The following MTUS2 variants were observed in gnomAD, a reference collection of about 807,000 sequenced individuals.
MTUS2 encodes the protein microtubule associated scaffold protein 2.
In MTUS2, 40 loss-of-function variants were observed where a neutral mutation model predicts 114.1. That is an observed-to-expected ratio of 0.35 (90% confidence interval 0.27 to 0.46). The LOEUF (loss-of-function observed/expected upper bound fraction) is 0.46, where lower values mean the gene tolerates loss of function less well. Among genes scored for constraint, MTUS2 ranks in the 20% least tolerant of loss-of-function variants. MTUS2 has a pLI of 1.00. For missense variants in MTUS2, 1,679 were observed against 1,705.4 expected, an observed-to-expected ratio of 0.98 and a Z score of 0.27; for synonymous variants, 688 against 672.0, an observed-to-expected ratio of 1.02 and a Z score of -0.37.
At chr13:29,180,059 G>A (rs1242162633) in intron 5 of MTUS2, among the ~76,000 whole-genome samples, 1 of 152,188 alleles carries the variant, frequency 6.6e-6, no homozygotes, top group Non-Finnish European at 1.5e-5. Flanking sequence ...TCTTTGGCTG[G>A]TTTTCAAATA....
intron 2 of MTUS2, among the ~76,000 whole-genome samples, chr13:28,963,770 T>A (rs1883447309): frequency 1.3e-5 from 2 of 152,186 alleles, no homozygotes; most frequent in Admixed American, 1.3e-4. Flanking sequence ...ACTGCTCTTG[T>A]CAACTTTACC....
intron 2 of MTUS2, among the ~76,000 whole-genome samples, chr13:28,880,901 G>A (rs1053469816): frequency 1.3e-5 from 2 of 152,186 alleles, no homozygotes; most frequent in African/African-American, 2.4e-5. Flanking sequence ...GTTTTTATGA[G>A]TATTTTTGAT....
rs9805210 is a variant in MTUS2 at position 29,505,689 on chromosome 13, G to A, written c.*2483G>A. On this transcript the variant is annotated 3_prime_UTR_variant, in exon 16 of 16. Transcript: ENST00000612955. ...TGCTGCAGCCTCTGCACCTGCCTCA[G>A]ACAGACCCACCAGATACCACCTGTC... 27,171 of 230,082 alleles carry A rather than the reference G, an allele frequency of 0.12. 2,371 individuals are homozygous for A. The highest frequency in any genetic ancestry group is 0.27 in the African/African-American group (12,189 of 45,136). The allele number at this position is 230,082 out of a possible 1,614,324, so 14.3% of individuals were successfully genotyped here. A position where few individuals can be genotyped will look rare whatever the true frequency, so the allele number is the denominator to read the frequency against.
intron 8 of MTUS2, among the ~76,000 whole-genome samples, chr13:29,389,345 G>GTGTGTA (rs1872917729): frequency 7.7e-5 from 4 of 51,856 alleles, no homozygotes; most frequent in African/African-American, 1.1e-4. Context: ...ATGTATGCAC[G>GTGTGTA]TGTGTGTATA....
intron 1 of MTUS2, among the ~76,000 whole-genome samples, chr13:28,823,595 C>T (rs1874060842): frequency 1.3e-5 from 2 of 152,336 alleles, no homozygotes; most frequent in Middle Eastern, 3.4e-3. Flanking sequence ...CTCCCCTGAG[C>T]CCTCTTCTCA....
intron 6 of MTUS2, among the ~76,000 whole-genome samples, chr13:29,320,891 C>T (rs951979645): frequency 6.6e-6 from 1 of 152,134 alleles, no homozygotes; most frequent in Non-Finnish European, 1.5e-5. Context: ...AGAAAGACCT[C>T]ATCACTGCTA....
At chr13:29,442,997 G>T (rs907458815) in intron 9 of MTUS2, among the ~76,000 whole-genome samples, 1 of 152,164 alleles carries the variant, frequency 6.6e-6, no homozygotes, top group African/African-American at 2.4e-5. Flanking sequence ...GCCCTGAAAT[G>T]CTATAAGCCA....
rs1007227758 is a variant in MTUS2, at chr13:28,834,435, A to C, written c.-315-5343A>C. Among the ~76,000 whole-genome samples, 7 of 152,138 alleles carry C rather than the reference A, an allele frequency of 4.6e-5. No individual in the cohort carries two copies. The East Asian group carries it at 9.6e-4, about 21-fold the overall frequency. ...GACAAGATAATTCAATTCAAGAAAG[A>C]ATGAATGATCTTTTTAATAAATGGT... On this transcript the variant is annotated intron_variant, in intron 1 of 15. Transcript: ENST00000612955.
intron 6 of MTUS2, chr13:29,307,199 A>G (rs1007822250): frequency 7.4e-6 from 4 of 541,616 alleles, no homozygotes; most frequent in Non-Finnish European, 1.0e-5. Flanking sequence ...GAGAATTATG[A>G]CAGCAGCCTC....
At chr13:28,939,820 T>C (rs1248067162) in intron 2 of MTUS2, among the ~76,000 whole-genome samples, 2 of 152,078 alleles carry the variant, frequency 1.3e-5, no homozygotes, top group East Asian at 3.9e-4. Flanking sequence ...CTGGGTAATA[T>C]ATAAAGGAAA....
At chr13:29,010,282 T>C (rs1885782087) in intron 2 of MTUS2, among the ~76,000 whole-genome samples, 1 of 151,994 alleles carries the variant, frequency 6.6e-6, no homozygotes, top group Non-Finnish European at 1.5e-5. Flanking sequence ...CGCAGAATGC[T>C]TCCTCTTTCC....
rs562942452 is a variant in MTUS2 at position 29,210,903 on chromosome 13, T to G, written c.2645-70801T>G. ...TGCACTGGATTAGTGTTGGTTGGCC[T>G]CCAGCCAGGAGGTGACGCTTTCAAG... On this transcript the variant is annotated intron_variant, in intron 5 of 15. Coordinates refer to ENST00000612955, the MANE Select transcript of MTUS2 (RefSeq NM_001033602.4). Among the ~76,000 whole-genome samples the G allele has an allele frequency of 3.3e-5, 5 of 152,278 alleles. No homozygotes were observed. In the East Asian group the frequency reaches 7.8e-4, roughly 24 times the overall value.
chr13:29,249,206 G>A (rs1897037608), intron 5 of MTUS2, among the ~76,000 whole-genome samples: 1 of 151,962 alleles, frequency 6.6e-6, no homozygotes, highest in Non-Finnish European at 1.5e-5. Context: ...GGCCAGGCTG[G>A]TCTCAAACTC....
chr13:29,207,044 G>C (rs529623126), intron 5 of MTUS2, among the ~76,000 whole-genome samples: 1 of 152,218 alleles, frequency 6.6e-6, no homozygotes, highest in African/African-American at 2.4e-5. Flanking sequence ...CATGAGCATG[G>C]CATGTATTTC....
At chr13:29,113,449 C>G (rs903334319) in intron 5 of MTUS2, among the ~76,000 whole-genome samples, 32 of 152,186 alleles carry the variant, frequency 2.1e-4, no homozygotes, top group African/African-American at 7.0e-4. Context: ...CCTCCTGTCT[C>G]TTTAGATCAG....
At chr13:28,854,222 GGGA>G (rs1876482014) in intron 2 of MTUS2, among the ~76,000 whole-genome samples, 1 of 152,178 alleles carries the variant, frequency 6.6e-6, no homozygotes, top group African/African-American at 2.4e-5. Context: ...ATTACAGTCT[GGGA>G]AACACTCCTT....
chr13:29,196,098 A>T lies in MTUS2; in HGVS notation c.2645-85606A>T, dbSNP rs117750628. 2.4e-4 allele frequency among the ~76,000 whole-genome samples: 35 copies of T among 143,884 alleles called. No individual in the cohort carries two copies. The East Asian group carries it at 6.5e-3, about 27-fold the overall frequency. The allele number at this position is 143,884 out of a possible 152,430, so 94.4% of individuals were successfully genotyped here. On this transcript the variant is annotated intron_variant, in intron 5 of 15. Transcript: ENST00000612955. ...ATGACACAGGACTAAACTACTGCAG[A>T]TTTTTTTTTTTTTTTTGAGATGGAG... is the stretch of plus-strand genomic sequence containing the variant.
intron 5 of MTUS2, among the ~76,000 whole-genome samples, chr13:29,115,596 A>T (rs1392280202): frequency 1.3e-5 from 2 of 152,238 alleles, no homozygotes; most frequent in Non-Finnish European, 2.9e-5. Flanking sequence ...AATATTGTAA[A>T]GATTGTATGC....
At chr13:29,331,574 A>G (rs934854273) in intron 7 of MTUS2, among the ~76,000 whole-genome samples, 6 of 152,128 alleles carry the variant, frequency 3.9e-5, no homozygotes, top group Non-Finnish European at 5.9e-5. Flanking sequence ...TTACAAGGCT[A>G]CAGTAACCTT....
Sources: allele counts gnomAD v4.1 joint callset (sites outside exome capture counted in the v4.1 genomes callset), GRCh38; gene constraint gnomAD v4.1.1; transcripts MANE v1.5; gene names NCBI Gene and HGNC (gene_info 2026-07-23, HGNC 2026-07-21).